EFHD1: variants seen among roughly 807,000 people sequenced by gnomAD.
EFHD1 encodes the protein EF-hand domain-containing protein D1.
EFHD1 carries 10 observed loss-of-function variants against 17.2 expected under a neutral mutation model. That is an observed-to-expected ratio of 0.58 (90% confidence interval 0.36 to 0.99). The LOEUF (loss-of-function observed/expected upper bound fraction) is 0.99. Ranked by LOEUF, EFHD1 falls within the 50% of genes least tolerant of loss-of-function variation. The pLI, the probability that EFHD1 is intolerant of heterozygous loss-of-function variation, is 0.01. For synonymous variants in EFHD1, 153 were observed against 142.0 expected, an observed-to-expected ratio of 1.08 and a Z score of -0.55; for missense variants, 310 against 327.5, an observed-to-expected ratio of 0.95 and a Z score of 0.41.
In EFHD1 at chr2:232,682,099, C is replaced by G. The variant is rs1164679576; in HGVS notation, c.*380C>G. On this transcript the variant is annotated 3_prime_UTR_variant, in exon 4 of 4. Coordinates refer to ENST00000264059, the MANE Select transcript of EFHD1 (RefSeq NM_025202.4). ...GGTCCTCAGAGAAAATGCCCATTTT[C>G]TCGGAGAATTCTCTGCACTCCTCTC... is the stretch of plus-strand genomic sequence containing the variant. The G allele has an allele frequency of 5.8e-6, 1 of 171,356 alleles. No individual in the cohort carries two copies. The highest frequency in any genetic ancestry group is 1.2e-5 in the Non-Finnish European group (1 of 81,154). The allele number at this position is 171,356 out of a possible 1,614,324, so 10.6% of individuals were successfully genotyped here.
At chr2:232,621,285 G>A (rs1694012826) in intron 1 of EFHD1, among the ~76,000 whole-genome samples, 2 of 152,058 alleles carry the variant, frequency 1.3e-5, no homozygotes, top group Admixed American at 6.6e-5. Flanking sequence ...ATCTCTGGTG[G>A]CTGGAACCAA....
chr2:232,633,528 G>A (rs1694242558), upstream of EFHD1: 1 of 1,275,126 alleles, frequency 7.8e-7, no homozygotes, highest in Non-Finnish European at 9.9e-7. Context: ...CCTTAAAGCC[G>A]CAGCTCCGCC....
intron 1 of EFHD1, among the ~76,000 whole-genome samples, chr2:232,620,426 C>G (rs1052669357): frequency 1.3e-5 from 2 of 151,480 alleles, no homozygotes; most frequent in Non-Finnish European, 2.9e-5. Context: ...CACTCTGTCT[C>G]CCAGGCTGGA....
At chr2:232,614,485 A>T (rs903977052) in intron 1 of EFHD1, among the ~76,000 whole-genome samples, 3 of 152,150 alleles carry the variant, frequency 2.0e-5, no homozygotes, top group South Asian at 2.1e-4. Context: ...TCTTCCTTAC[A>T]ATTTCCTTGA....
intron 1 of EFHD1, among the ~76,000 whole-genome samples, chr2:232,653,005 C>CT (rs911350099): frequency 2.0e-5 from 3 of 151,372 alleles, no homozygotes; most frequent in Admixed American, 6.6e-5. Context: ...TTGGTTTTTT[C>CT]TTTTTTTGAG....
intron 1 of EFHD1, among the ~76,000 whole-genome samples, chr2:232,608,718 C>T (rs1158497811): frequency 1.3e-5 from 2 of 152,036 alleles, no homozygotes; most frequent in Non-Finnish European, 2.9e-5. Flanking sequence ...AAAATGAGGT[C>T]AGGAGTTCAA....
chr2:232,621,929 T>C (rs1230438337), intron 1 of EFHD1, among the ~76,000 whole-genome samples: 1 of 152,222 alleles, frequency 6.6e-6, no homozygotes, highest in African/African-American at 2.4e-5. Context: ...AGAGCCAGGA[T>C]AGTTTATTAT....
intron 1 of EFHD1, among the ~76,000 whole-genome samples, chr2:232,612,354 AATATT>A (rs1454117452): frequency 6.6e-6 from 1 of 152,218 alleles, no homozygotes; most frequent in African/African-American, 2.4e-5. Context: ...ACTGGGAGAA[AATATT>A]CACAATCTAT....
At chr2:232,634,334 A>G (rs1694275027) in intron 1 of EFHD1, among the ~76,000 whole-genome samples, 1 of 152,116 alleles carries the variant, frequency 6.6e-6, no homozygotes, top group African/African-American at 2.4e-5. Context: ...TCCGAAAGCA[A>G]CTTCTAGGAA....
intron 1 of EFHD1, among the ~76,000 whole-genome samples, chr2:232,609,345 G>A (rs1693773036): frequency 6.6e-6 from 1 of 152,168 alleles, no homozygotes; most frequent in Non-Finnish European, 1.5e-5. Context: ...ACAGGCATGA[G>A]CCACTGCACC....
chr2:232,626,228 A>G (rs987867422), intron 1 of EFHD1, among the ~76,000 whole-genome samples: 1 of 151,936 alleles, frequency 6.6e-6, no homozygotes, highest in Non-Finnish European at 1.5e-5. Flanking sequence ...TCCTTGATGA[A>G]GCAGGAAAAT....
intron 1 of EFHD1, among the ~76,000 whole-genome samples, chr2:232,613,667 C>CACACAAATATACACACAT (rs1156230231): frequency 6.7e-6 from 1 of 149,552 alleles, no homozygotes; most frequent in Non-Finnish European, 1.5e-5. Flanking sequence ...CAAATACACA[C>CACACAAATATACACACAT]ACACAAATAT....
chr2:232,670,875 G>A (rs7586864), intron 2 of EFHD1, among the ~76,000 whole-genome samples: 7,266 of 152,134 alleles, frequency 0.048, 546 homozygotes, highest in African/African-American at 0.16. Context: ...GGTAAGAAAG[G>A]CAAACAATCT....
chr2:232,653,063 G>A (rs1384280207), intron 1 of EFHD1, among the ~76,000 whole-genome samples: 1 of 151,804 alleles, frequency 6.6e-6, no homozygotes, highest in African/African-American at 2.4e-5. Context: ...GTGTAATCTC[G>A]GCTCACTGCA....
intron 1 of EFHD1, among the ~76,000 whole-genome samples, chr2:232,627,409 C>CT (rs1487639877): frequency 6.6e-6 from 1 of 152,112 alleles, no homozygotes; most frequent in Non-Finnish European, 1.5e-5. Context: ...TGTTCATGTA[C>CT]TTTCAGTTTC....
intron 3 of EFHD1, among the ~76,000 whole-genome samples, chr2:232,672,969 C>T (rs1410361962): frequency 6.6e-6 from 1 of 152,210 alleles, no homozygotes; most frequent in Non-Finnish European, 1.5e-5. Flanking sequence ...GTGCTCTCAT[C>T]TGACAGTGTC....
intron 2 of EFHD1, among the ~76,000 whole-genome samples, chr2:232,665,427 C>CT (rs148891399): frequency 0.013 from 1,942 of 147,148 alleles, 19 homozygotes; most frequent in Non-Finnish European, 0.02. Flanking sequence ...ATTATATTAA[C>CT]TTTTTTTTTT....
intron 3 of EFHD1, among the ~76,000 whole-genome samples, chr2:232,673,726 C>T (rs570136939): frequency 5.1e-4 from 78 of 152,160 alleles, no homozygotes; most frequent in African/African-American, 1.7e-3. Context: ...TATAAATTAA[C>T]CCAGCTTTTT....
chr2:232,655,967 C>T (rs1053507858), intron 1 of EFHD1, among the ~76,000 whole-genome samples: 10 of 152,074 alleles, frequency 6.6e-5, no homozygotes, highest in African/African-American at 1.7e-4. Context: ...CCACCATGCC[C>T]GGCTCTTTTT....
Sources: allele counts gnomAD v4.1 joint callset (sites outside exome capture counted in the v4.1 genomes callset), GRCh38; gene constraint gnomAD v4.1.1; transcripts MANE v1.5; gene names NCBI Gene and HGNC (gene_info 2026-07-23, HGNC 2026-07-21).